SON: variants seen among roughly 807,000 people sequenced by gnomAD.
The protein encoded by SON is SON DNA and RNA binding protein, also known as protein SON.
A neutral mutation model predicts 173.3 loss-of-function variants in SON; 4 were observed. That is an observed-to-expected ratio of 0.02 (90% CI 0.01 to 0.05). The LOEUF (loss-of-function observed/expected upper bound fraction) is 0.05, where lower values mean the gene tolerates loss of function less well. Ranked by LOEUF, SON falls within the 10% of genes least tolerant of loss-of-function variation. SON has a pLI of 1.00. For missense variants in SON, 2,626 were observed against 3,055.3 expected (o/e 0.86, Z 3.31); for synonymous variants, 1,190 against 1,105.9 (o/e 1.08, Z -1.51).
chr21:33,557,654 C>T (rs1412903289), intron 4 of SON: 34 of 1,530,134 alleles, frequency 2.2e-5, no homozygotes, highest in Middle Eastern at 1.8e-4. Context: ...ATTCACGACG[C>T]GTTCACTGAT....
At chr21:33,558,468 G>A (rs1183652290) in intron 4 of SON, 1 of 152,176 alleles carries the variant, frequency 6.6e-6, no homozygotes, top group African/African-American at 2.4e-5. Context: ...CTGGGAAAAT[G>A]TAAAGCTTCT....
chr21:33,554,617 G>A lies in SON; in HGVS notation c.5386G>A (p.Val1796Ile), dbSNP rs1422756349. 4 of 1,613,676 alleles carry A rather than the reference G, an allele frequency of 2.5e-6. No individual in the cohort carries two copies. In the South Asian group the frequency reaches 3.3e-5, roughly 13 times the overall value. The change falls in exon 3 of 12, where the codon GTT becomes ATT. Residue 1796 changes from valine (V) to isoleucine (I), a missense_variant. Val to Ile is a conservative substitution (Grantham distance 29). Coordinates refer to ENST00000356577, the MANE Select transcript of SON (RefSeq NM_138927.4). ...EKDDYEIFVK[V>I]KDTHEKSKKN... The stretch of plus-strand genomic sequence containing the variant: ...AGATGATTATGAAATTTTTGTAAAA[G>A]TTAAGGACACTCACGAAAAAAGCAA...
chr21:33,554,758 T>C lies in SON; in HGVS notation c.5527T>C (p.Ser1843Pro), dbSNP rs1233346005. 1.2e-6 allele frequency: 2 copies of C among 1,613,824 alleles called. No individual in the cohort carries two copies. The change falls in exon 3 of 12, where the codon TCT becomes CCT. Residue 1843 changes from serine (S) to proline (P), a missense_variant. This residue lies in a region of SON where 1,006 missense variants were observed against 895.6 expected (regional missense o/e 1.12). Coordinates refer to ENST00000356577, the MANE Select transcript of SON (RefSeq NM_138927.4). ...EHKSRKRTSESRSRARKRSSK... is the reference protein window; with the variant it reads ...EHKSRKRTSEPRSRARKRSSK... ...CAAATCACGCAAGCGTACCAGTGAA[T>C]CTCGTTCTAGGGCAAGAAAGAGATC...
chr21:33,558,520 A>T (rs2086009659), intron 4 of SON: 1 of 152,342 alleles, frequency 6.6e-6, no homozygotes, highest in East Asian at 1.9e-4. Flanking sequence ...TATGAATTAC[A>T]ACTTTTTTTA....
chr21:33,572,743 A>T, intron 8 of SON: 29 of 368,266 alleles, frequency 7.9e-5, no homozygotes, highest in South Asian at 1.9e-4. Flanking sequence ...ATTGTTTTCT[A>T]TTTGTTACTG....
chr21:33,563,776 C>T (rs906473833), intron 6 of SON, among the ~76,000 whole-genome samples: 1 of 152,110 alleles, frequency 6.6e-6, no homozygotes, highest in African/African-American at 2.4e-5. Context: ...TCATGAAATG[C>T]ATGTTATATG....
chr21:33,548,651 T>C (rs1226395634), intron 2 of SON, among the ~76,000 whole-genome samples: 1 of 152,228 alleles, frequency 6.6e-6, no homozygotes, highest in Non-Finnish European at 1.5e-5. Context: ...GTGTCAGTAA[T>C]TTGGCCAAGA....
intron 1 of SON, among the ~76,000 whole-genome samples, chr21:33,544,375 A>C (rs867303232): frequency 6.6e-6 from 1 of 151,936 alleles, no homozygotes; most frequent in Non-Finnish European, 1.5e-5. Flanking sequence ...TTTCCTGACA[A>C]ATCTCTGGCT....
At chr21:33,546,546 G>A in intron 2 of SON, 167 bp downstream of exon 2, 1 of 463,322 alleles carries the variant, frequency 2.2e-6, no homozygotes, top group South Asian at 2.6e-5. Flanking sequence ...TTGGGAGGCT[G>A]AGGTGGGTGG....
intron 2 of SON, among the ~76,000 whole-genome samples, chr21:33,548,472 G>A (rs1329755674): frequency 6.6e-6 from 1 of 152,148 alleles, no homozygotes; most frequent in Non-Finnish European, 1.5e-5. Context: ...GGCATGATAA[G>A]GTAAAATTTG....
intron 6 of SON, among the ~76,000 whole-genome samples, chr21:33,564,469 A>C (rs1387177464): frequency 6.6e-6 from 1 of 152,206 alleles, no homozygotes; most frequent in African/African-American, 2.4e-5. Context: ...TTACCTTGAA[A>C]GGCTGGAAAC....
rs751215583 is a variant in SON at position 33,555,203 on chromosome 21, G to A, written c.5972G>A (p.Arg1991Gln). ...CGCCGGAGCCGCACCCCTAGCCGTCGGAGCCGCACCCCAAGCCGCCGGAGA... is the reference window on the plus strand; with the variant it reads ...CGCCGGAGCCGCACCCCTAGCCGTCAGAGCCGCACCCCAAGCCGCCGGAGA... ...PSRRSRTPSR[R>Q]SRTPSRRRRS... is the part of the protein sequence containing the mutation. Residue 1991 changes from arginine to glutamine, a missense_variant, in exon 3 of 12, where the codon CGG (arginine) becomes CAG (glutamine). Arg to Gln is a conservative substitution (Grantham distance 43, BLOSUM62 1). Coordinates refer to ENST00000356577, the MANE Select transcript of SON (RefSeq NM_138927.4). 6 of 1,590,020 alleles carry A rather than the reference G, an allele frequency of 3.8e-6. No homozygotes were observed. The highest frequency in any genetic ancestry group is 3.4e-6 in the Non-Finnish European group (4 of 1,171,618).
intron 8 of SON, among the ~76,000 whole-genome samples, chr21:33,571,231 A>C (rs2145878451): frequency 6.6e-6 from 1 of 152,290 alleles, no homozygotes; most frequent in South Asian, 2.1e-4. Context: ...TAAAAAAGAA[A>C]CTTTTGAAAA....
chr21:33,551,915 T>C lies in SON; in HGVS notation c.2684T>C (p.Met895Thr), dbSNP rs987279714. Reference sequence around the variant, plus strand: ...GCGTCTGGTACCATGGATGCCCAGATGTTAGCGTCTAGTACCCAAGATTCT... The same window carrying C: ...GCGTCTGGTACCATGGATGCCCAGACGTTAGCGTCTAGTACCCAAGATTCT... Reference protein sequence around the residue: ...MLASGTMDAQMLASSTQDSAM... With the variant: ...MLASGTMDAQTLASSTQDSAM... Residue 895 changes from methionine (M) to threonine (T), a missense_variant, in exon 3 of 12, where the codon ATG becomes ACG. This residue lies in a region of SON where 366 missense variants were observed against 448.6 expected (regional missense o/e 0.82). Coordinates refer to ENST00000356577, the MANE Select transcript of SON (RefSeq NM_138927.4). 1.2e-6 allele frequency: 2 copies of C among 1,613,988 alleles called. No individual in the cohort carries two copies. Among genetic ancestry groups the C allele is most frequent in the Non-Finnish European group, 1.7e-6 (2 of 1,180,004 alleles).
At chr21:33,557,827 G>A (rs748911209) in intron 4 of SON, 26 of 652,468 alleles carry the variant, frequency 4.0e-5, no homozygotes, top group Middle Eastern at 4.5e-4. Flanking sequence ...AGCCATTGGC[G>A]ATAATGGCCG....
At position 33,553,163 on chromosome 21, in the gene SON, CATT is replaced by C; in HGVS notation, c.3933_3935del (p.Phe1312del). ...CCTGTTATGTCAGAGACAGCAGAAA[CATT>C]TGATTCCATGAGAGCCTCAGGACAT... is the stretch of plus-strand genomic sequence containing the variant. On this transcript the variant is annotated inframe_deletion, in exon 3 of 12. Transcript: ENST00000356577. 1 of 1,614,160 alleles carries C rather than the reference CATT, an allele frequency of 6.2e-7. No individual in the cohort carries two copies. The highest frequency in any genetic ancestry group is 1.6e-4 in the Middle Eastern group (1 of 6,062).
At position 33,554,770 on chromosome 21, in the gene SON, G is replaced by A; in HGVS notation, c.5539G>A (p.Ala1847Thr). 6.2e-7 allele frequency: 1 copy of A among 1,613,858 alleles called. No homozygotes were observed. The highest frequency in any genetic ancestry group is 1.3e-5 in the African/African-American group (1 of 75,024). ...GCGTACCAGTGAATCTCGTTCTAGGGCAAGAAAGAGATCATCTAAGTCCAA... is the reference window on the plus strand; with the variant it reads ...GCGTACCAGTGAATCTCGTTCTAGGACAAGAAAGAGATCATCTAAGTCCAA... Reference protein sequence around the residue: ...RKRTSESRSRARKRSSKSKSH... With the variant: ...RKRTSESRSRTRKRSSKSKSH... The change falls in exon 3 of 12, where the codon GCA becomes ACA. Residue 1847 changes from alanine to threonine, a missense_variant. By Grantham distance (58) the Ala-to-Thr change is moderately conservative. Transcript: ENST00000356577.
At position 33,549,607 on chromosome 21, in the gene SON, G is replaced by GA. The variant is rs778418096; in HGVS notation, c.384dup (p.Tyr129IlefsTer2). 8 of 1,594,228 alleles carry GA rather than the reference G, an allele frequency of 5.0e-6. No individual in the cohort carries two copies. Among genetic ancestry groups the GA allele is most frequent in the Admixed American group, 3.6e-5 (2 of 55,340 alleles). On this transcript the variant is annotated frameshift_variant, in exon 3 of 12. Coordinates refer to ENST00000356577, the MANE Select transcript of SON (RefSeq NM_138927.4). LOFTEE classifies it high-confidence loss of function. ...AAAGAAGAAAAAGAAGAAAGAAAAG[G>GA]AAAAAAAATATAAAAGACAGCCAGA...
chr21:33,570,676 C>T (rs1053221737), intron 8 of SON, among the ~76,000 whole-genome samples: 3 of 152,094 alleles, frequency 2.0e-5, no homozygotes, highest in African/African-American at 7.2e-5. Flanking sequence ...TATAAATGTA[C>T]ATCTATTTCT....
Sources: allele counts gnomAD v4.1 joint callset (sites outside exome capture counted in the v4.1 genomes callset), GRCh38; gene constraint gnomAD v4.1.1; regional missense constraint gnomAD v4.1.1; transcripts MANE v1.5; gene names NCBI Gene and HGNC (gene_info 2026-07-23, HGNC 2026-07-21).